The following GRM1 variants were observed in gnomAD, a reference collection of about 807,000 sequenced individuals.
GRM1 encodes the protein glutamate metabotropic receptor 1, also known as metabotropic glutamate receptor 1.
GRM1 carries 33 observed loss-of-function variants against 90.9 expected under a neutral mutation model. The ratio of observed to expected loss-of-function variants is 0.36; its 90% CI spans 0.28 to 0.49. GRM1 has a LOEUF of 0.49. GRM1 is among the 20% of genes least tolerant of loss of function. GRM1 has a pLI of 0.99. For missense variants in GRM1, 1,190 were observed against 1,534.3 expected, an observed-to-expected ratio of 0.78 and a Z score of 3.75; for synonymous variants, 700 against 613.2, an observed-to-expected ratio of 1.14 and a Z score of -2.09.
chr6:146,385,451 C>A (rs1180059666), intron 5 of GRM1, among the ~76,000 whole-genome samples: 2 of 151,726 alleles, frequency 1.3e-5, no homozygotes, highest in African/African-American at 4.8e-5. Flanking sequence ...AACTTCCATA[C>A]CAAGTGAAAA....
At chr6:146,355,657 G>C (rs1263603936) in intron 4 of GRM1, among the ~76,000 whole-genome samples, 1 of 152,038 alleles carries the variant, frequency 6.6e-6, no homozygotes, top group Admixed American at 6.5e-5. Flanking sequence ...TCCTTGTCTA[G>C]ATTGAAAAAC....
intron 1 of GRM1, among the ~76,000 whole-genome samples, chr6:146,137,476 A>T (rs1776667847): frequency 1.3e-5 from 2 of 152,198 alleles, no homozygotes; most frequent in South Asian, 4.2e-4. Flanking sequence ...TTTATTGTAG[A>T]TATACAGATT....
At chr6:146,080,293 A>T (rs9373485) in intron 1 of GRM1, among the ~76,000 whole-genome samples, 57,353 of 152,048 alleles carry the variant, frequency 0.38, 11,384 homozygotes, top group Middle Eastern at 0.51. Context: ...ATACTTTCAA[A>T]TATTACTTTC....
intron 2 of GRM1, 32 bp downstream of exon 2, chr6:146,159,629 TC>T: frequency 1.3e-6 from 2 of 1,516,416 alleles, no homozygotes; most frequent in Non-Finnish European, 1.8e-6. Flanking sequence ...TCTCTCTCTC[TC>T]TCTCTCTCTC....
chr6:146,070,699 A>T (rs1775991282), intron 1 of GRM1, among the ~76,000 whole-genome samples: 1 of 152,172 alleles, frequency 6.6e-6, no homozygotes, highest in Non-Finnish European at 1.5e-5. Flanking sequence ...ACTTAAATAC[A>T]TTTGGTTAGA....
At chr6:146,365,235 A>C (rs73785351) in intron 5 of GRM1, 21 of 152,332 alleles carry the variant, frequency 1.4e-4, no homozygotes, top group African/African-American at 4.8e-4. Flanking sequence ...ATGTAAAAAA[A>C]AAAAATGAAA....
intron 1 of GRM1, among the ~76,000 whole-genome samples, chr6:146,157,199 C>T (rs748507792): frequency 1.3e-5 from 2 of 152,086 alleles, no homozygotes; most frequent in Admixed American, 6.5e-5. Flanking sequence ...AACAAACATA[C>T]TGAGGAGTGA....
rs549369914 is a variant in GRM1, at chr6:146,337,293, G to A, written c.1187-14957G>A. ...CCTGGTGATAATCCATATAAATTCA[G>A]GAATGCTTTTACTTCTCTGTGCCTG... On this transcript the variant is annotated intron_variant, in intron 3 of 7. Transcript: ENST00000282753. 3.9e-5 allele frequency among the ~76,000 whole-genome samples: 6 copies of A among 152,212 alleles called. 1 individual carries two copies. The East Asian group carries it at 7.7e-4, about 20-fold the overall frequency.
At chr6:146,420,908 A>G (rs1777966450) in intron 7 of GRM1, among the ~76,000 whole-genome samples, 2 of 152,192 alleles carry the variant, frequency 1.3e-5, no homozygotes, top group Admixed American at 1.3e-4. Flanking sequence ...AAAATAATTT[A>G]TCTATACTCT....
At chr6:146,425,602 G>A (rs1163100004) in intron 7 of GRM1, among the ~76,000 whole-genome samples, 1 of 152,214 alleles carries the variant, frequency 6.6e-6, no homozygotes, top group Non-Finnish European at 1.5e-5. Flanking sequence ...GAGGAGCCCT[G>A]TAGAGAACTG....
At chr6:146,128,159 C>T (rs558418093) in intron 1 of GRM1, among the ~76,000 whole-genome samples, 1 of 152,218 alleles carries the variant, frequency 6.6e-6, no homozygotes, top group South Asian at 2.1e-4. Flanking sequence ...CTTCAGAAGT[C>T]ATCCAGATCA....
Position 146,126,872 on chromosome 6 carries a change from G to A in GRM1, c.701-32476G>A, listed in dbSNP as rs777985480. On this transcript the variant is annotated intron_variant, in intron 1 of 7. Coordinates refer to ENST00000282753, the MANE Select transcript of GRM1 (RefSeq NM_001278064.2). ...CTTCTTATGGAAATAGAACTTAATA[G>A]CTGTAGTGTGTGATCCATTTGAGCT... Among the ~76,000 whole-genome samples the A allele has an allele frequency of 4.4e-4, 67 of 152,308 alleles. 1 individual carries two copies. Among genetic ancestry groups the A allele is most frequent in the Middle Eastern group, 3.4e-3 (1 of 294 alleles).
intron 3 of GRM1, among the ~76,000 whole-genome samples, chr6:146,325,804 T>G (rs1326429374): frequency 6.6e-6 from 1 of 152,246 alleles, no homozygotes; most frequent in Non-Finnish European, 1.5e-5. Flanking sequence ...GCTTTTATAA[T>G]TTTATCTTCT....
At chr6:146,057,262 C>T (rs1775512451) in intron 1 of GRM1, among the ~76,000 whole-genome samples, 1 of 152,082 alleles carries the variant, frequency 6.6e-6, no homozygotes, top group African/African-American at 2.4e-5. Flanking sequence ...CCTTTGTAGC[C>T]ACTTTTCAAT....
At chr6:146,030,473 A>G (rs988186324) in intron 1 of GRM1, among the ~76,000 whole-genome samples, 4 of 152,234 alleles carry the variant, frequency 2.6e-5, no homozygotes, top group Non-Finnish European at 5.9e-5. Flanking sequence ...CAAAGTGTCC[A>G]GCAGTAGATT....
chr6:146,132,162 C>T (rs1281614754), intron 1 of GRM1, among the ~76,000 whole-genome samples: 1 of 152,110 alleles, frequency 6.6e-6, no homozygotes, highest in East Asian at 1.9e-4. Flanking sequence ...TGGACTTTAT[C>T]CTAAGTGTCA....
chr6:146,285,643 G>C (rs1198336647), intron 2 of GRM1, among the ~76,000 whole-genome samples: 1 of 152,086 alleles, frequency 6.6e-6, no homozygotes, highest in Non-Finnish European at 1.5e-5. Context: ...TAGTATTTCT[G>C]CATGGTGACC....
At chr6:146,390,221 A>G (rs917909450) in intron 6 of GRM1, among the ~76,000 whole-genome samples, 1 of 152,074 alleles carries the variant, frequency 6.6e-6, no homozygotes, top group African/African-American at 2.4e-5. Flanking sequence ...CTTTTAATAT[A>G]TACTCCATAC....
intron 2 of GRM1, among the ~76,000 whole-genome samples, chr6:146,235,066 T>A (rs1347939915): frequency 6.6e-6 from 1 of 152,132 alleles, no homozygotes; most frequent in Non-Finnish European, 1.5e-5. Context: ...GTCATCATAT[T>A]CCTCTGCCTA....
Sources: allele counts gnomAD v4.1 joint callset (sites outside exome capture counted in the v4.1 genomes callset), GRCh38; gene constraint gnomAD v4.1.1; transcripts MANE v1.5; gene names NCBI Gene and HGNC (gene_info 2026-07-23, HGNC 2026-07-21).